SYCP2L: variants seen among roughly 807,000 people sequenced by gnomAD.
SYCP2L encodes the protein synaptonemal complex protein 2-like.
Under a neutral mutation model 125.8 loss-of-function variants are expected in SYCP2L, and 98 were observed. The ratio of observed to expected loss-of-function variants is 0.78; its 90% CI spans 0.66 to 0.92. The LOEUF is 0.92. Ranked by LOEUF, SYCP2L falls within the 40% of genes least tolerant of loss-of-function variation. The probability of loss-of-function intolerance (pLI) is 0.00; values close to 1 mark genes in which losing one functional copy is unlikely to be tolerated. For missense variants in SYCP2L, 842 were observed against 936.4 expected (o/e 0.90, Z 1.32); for synonymous variants, 317 against 325.4 (o/e 0.97, Z 0.28).
chr6:10,901,766 T>C (rs1780379998), intron 6 of SYCP2L, among the ~76,000 whole-genome samples: 1 of 152,208 alleles, frequency 6.6e-6, no homozygotes, highest in African/African-American at 2.4e-5. Flanking sequence ...ACAGAGTATC[T>C]AGTTCAAATA....
At chr6:10,905,200 T>A (rs929834868) in intron 8 of SYCP2L, among the ~76,000 whole-genome samples, 1 of 151,186 alleles carries the variant, frequency 6.6e-6, no homozygotes, top group African/African-American at 2.4e-5. Flanking sequence ...TAGCATTTAT[T>A]TGAAATTCTG....
chr6:10,929,430 GA>G (rs1780953488), intron 18 of SYCP2L, among the ~76,000 whole-genome samples: 5 of 151,770 alleles, frequency 3.3e-5, no homozygotes, highest in Admixed American at 2.0e-4. Context: ...CCAACAAACA[GA>G]ACTCAAAAAA....
rs9379898 is a variant in SYCP2L at position 10,887,572 on chromosome 6, A to G, written c.9+437A>G. Reference sequence around the variant, plus strand: ...ATAAAGCTACAATTATTACTTATCAATAAATAATAAAAAAAAACACATGAA... The same window carrying G: ...ATAAAGCTACAATTATTACTTATCAGTAAATAATAAAAAAAAACACATGAA... On this transcript the variant is annotated intron_variant, in intron 1 of 29. Coordinates refer to ENST00000283141, the MANE Select transcript of SYCP2L (RefSeq NM_001040274.3). Among the ~76,000 whole-genome samples, 28 of 152,164 alleles carry G rather than the reference A, an allele frequency of 1.8e-4. 1 individual carries two copies. In the East Asian group the frequency reaches 4.3e-3, roughly 23 times the overall value.
intron 10 of SYCP2L, among the ~76,000 whole-genome samples, chr6:10,909,424 G>T (rs1362567084): frequency 6.6e-6 from 1 of 152,058 alleles, no homozygotes; most frequent in East Asian, 1.9e-4. Context: ...CACCACGTCC[G>T]GCCCGAATTG....
chr6:10,928,383 T>C lies in SYCP2L; in HGVS notation c.1441-20T>C, dbSNP rs1161529416. On this transcript the variant is annotated intron_variant, in intron 17 of 29. Transcript: ENST00000283141. The stretch of plus-strand genomic sequence containing the variant: ...ATAAATGTCTATGAAATCTTCACAA[T>C]CCACGTTCTTCTGCCATAGCTTCAG... 1 of 1,215,778 alleles carries C rather than the reference T, an allele frequency of 8.2e-7. No individual in the cohort carries two copies. The highest frequency in any genetic ancestry group is 1.9e-5 in the Admixed American group (1 of 52,962). The allele number at this position is 1,215,778 out of a possible 1,614,324, so 75.3% of individuals were successfully genotyped here.
intron 11 of SYCP2L, 129 bp downstream of exon 11, chr6:10,910,329 G>A: frequency 1.2e-6 from 1 of 836,576 alleles, no homozygotes; most frequent in Non-Finnish European, 1.9e-6. Flanking sequence ...AGTATACTGA[G>A]TTGTCCATTG....
chr6:10,898,162 G>T (rs1194367811), intron 5 of SYCP2L, 47 bp downstream of exon 5: 1 of 1,325,358 alleles, frequency 7.5e-7, no homozygotes, highest in African/African-American at 1.5e-5. Flanking sequence ...ATTGGTAATT[G>T]GCAGGAATCT....
chr6:10,941,126 C>T (rs1335594511), intron 21 of SYCP2L, among the ~76,000 whole-genome samples: 1 of 152,154 alleles, frequency 6.6e-6, no homozygotes, highest in Non-Finnish European at 1.5e-5. Flanking sequence ...TGGATCCCTT[C>T]CTTACACCTT....
chr6:10,905,379 G>A (rs1448817198), intron 8 of SYCP2L, among the ~76,000 whole-genome samples: 2 of 151,158 alleles, frequency 1.3e-5, no homozygotes, highest in East Asian at 2.0e-4. Context: ...TGCAACCTCC[G>A]CCTCCCGGGT....
At chr6:10,933,856 C>T (rs1026974119) in intron 20 of SYCP2L, among the ~76,000 whole-genome samples, 1 of 152,068 alleles carries the variant, frequency 6.6e-6, no homozygotes, top group Non-Finnish European at 1.5e-5. Context: ...ATGTAATTTT[C>T]CTGCCAATTA....
intron 20 of SYCP2L, 130 bp from the exon 21 acceptor site, chr6:10,934,928 G>A (rs1781065458): frequency 4.7e-6 from 4 of 845,274 alleles, no homozygotes; most frequent in Non-Finnish European, 7.0e-6. Context: ...AGTAGAATTA[G>A]CATTTATTTT....
At chr6:10,908,353 G>C (rs1301783968) in intron 10 of SYCP2L, among the ~76,000 whole-genome samples, 13 of 152,174 alleles carry the variant, frequency 8.5e-5, no homozygotes, top group Non-Finnish European at 1.5e-4. Context: ...GATGGCAGGA[G>C]GCTGAAATGG....
chr6:10,900,014 A>G (rs561550388), intron 6 of SYCP2L, among the ~76,000 whole-genome samples: 1 of 152,358 alleles, frequency 6.6e-6, no homozygotes, highest in South Asian at 2.1e-4. Context: ...GATGTGAGCT[A>G]TATATTCACT....
chr6:10,905,385 C>T (rs1377405813), intron 8 of SYCP2L, among the ~76,000 whole-genome samples: 2 of 151,682 alleles, frequency 1.3e-5, no homozygotes, highest in South Asian at 2.1e-4. Flanking sequence ...CTCCGCCTCC[C>T]GGGTTCAAGA....
chr6:10,953,253 T>A (rs78716024), intron 23 of SYCP2L, among the ~76,000 whole-genome samples: 3,606 of 152,298 alleles, frequency 0.024, 67 homozygotes, highest in South Asian at 0.049. Context: ...TATAGATTCC[T>A]CCAAAAGGTA....
intron 14 of SYCP2L, among the ~76,000 whole-genome samples, chr6:10,921,479 T>C (rs994185451): frequency 6.6e-6 from 1 of 152,226 alleles, no homozygotes; most frequent in African/African-American, 2.4e-5. Flanking sequence ...ATGGTTGAAC[T>C]AATTTACGCT....
chr6:10,910,329 G>T, intron 11 of SYCP2L, 129 bp downstream of exon 11: 1 of 836,576 alleles, frequency 1.2e-6, no homozygotes, highest in South Asian at 1.8e-5. Flanking sequence ...AGTATACTGA[G>T]TTGTCCATTG....
chr6:10,920,247 T>G (rs1780770881), intron 14 of SYCP2L, among the ~76,000 whole-genome samples: 1 of 152,182 alleles, frequency 6.6e-6, no homozygotes, highest in African/African-American at 2.4e-5. Flanking sequence ...TTTGAGACTC[T>G]CACTGTGTCA....
At chr6:10,914,738 G>GTTTTTT (rs34095541) in intron 14 of SYCP2L, among the ~76,000 whole-genome samples, 1 of 107,802 alleles carries the variant, frequency 9.3e-6, no homozygotes, top group South Asian at 3.0e-4. Context: ...ATATCCCTAA[G>GTTTTTT]TTTTTTTTTT....
Sources: gnomAD v4.1 joint callset for allele counts (sites outside exome capture counted in the v4.1 genomes callset) on GRCh38, gnomAD v4.1.1 for gene constraint, MANE v1.5 for transcripts, NCBI Gene and HGNC (gene_info 2026-07-23, HGNC 2026-07-21) for gene names.